Variants in CDH13 observed in about 807,000 individuals in gnomAD.
CDH13 encodes cadherin 13.
CDH13 carries 24 observed loss-of-function variants against 63.8 expected under a neutral mutation model. The ratio of observed to expected loss-of-function variants is 0.38; its 90% CI spans 0.27 to 0.53. The LOEUF is 0.53. Among genes scored for constraint, CDH13 ranks in the 20% least tolerant of loss-of-function variants. The pLI is 0.85. For missense variants in CDH13, 1,049 were observed against 903.1 expected, an observed-to-expected ratio of 1.16 and a Z score of -2.07; for synonymous variants, 503 against 355.3, an observed-to-expected ratio of 1.42 and a Z score of -4.67.
rs960659234 is a variant in CDH13 at position 83,604,060 on chromosome 16, A to G, written c.1101+1466A>G. Among the ~76,000 whole-genome samples, 4 of 152,284 alleles carry G rather than the reference A, an allele frequency of 2.6e-5. No homozygotes were observed. In the East Asian group the frequency reaches 7.7e-4, roughly 29 times the overall value. On this transcript the variant is annotated intron_variant, in intron 8 of 13. Coordinates refer to ENST00000567109, the MANE Select transcript of CDH13 (RefSeq NM_001257.5). ...TCCCGTGATCCAGTCACCTCCCACC[A>G]GGCCCCAACTACAACACTGGGAATT...
At chr16:82,645,865 A>G (rs1263853658) in intron 1 of CDH13, among the ~76,000 whole-genome samples, 3 of 152,244 alleles carry the variant, frequency 2.0e-5, no homozygotes, top group African/African-American at 4.8e-5. Context: ...TTAAGAAGCT[A>G]AGGTATTCGT....
intron 2 of CDH13, among the ~76,000 whole-genome samples, chr16:82,962,025 A>G (rs1353609025): frequency 1.3e-5 from 2 of 149,106 alleles, no homozygotes; most frequent in African/African-American, 4.8e-5. Context: ...GTAAAATAAC[A>G]TAGATGCTAT....
chr16:83,569,540 A>G (rs1228465563), intron 7 of CDH13, among the ~76,000 whole-genome samples: 1 of 152,114 alleles, frequency 6.6e-6, no homozygotes, highest in African/African-American at 2.4e-5. Flanking sequence ...ACATTTTTCT[A>G]TTTTTTTCTA....
chr16:83,578,964 C>G (rs928939275), intron 7 of CDH13, among the ~76,000 whole-genome samples: 1 of 152,246 alleles, frequency 6.6e-6, no homozygotes, highest in Non-Finnish European at 1.5e-5. Flanking sequence ...TCTTTGAACA[C>G]TTTCCGCCTA....
intron 8 of CDH13, among the ~76,000 whole-genome samples, chr16:83,665,281 A>G (rs1252045222): frequency 6.6e-6 from 1 of 152,248 alleles, no homozygotes; most frequent in Non-Finnish European, 1.5e-5. Context: ...AGGGGTTTAA[A>G]CCAAATTCTC....
At chr16:83,141,078 T>C (rs1468877602) in intron 4 of CDH13, among the ~76,000 whole-genome samples, 1 of 152,264 alleles carries the variant, frequency 6.6e-6, no homozygotes, top group Admixed American at 6.5e-5. Flanking sequence ...CTTGAAGCTA[T>C]GAATACTTTT....
chr16:83,224,975 C>T (rs896731473), intron 5 of CDH13, among the ~76,000 whole-genome samples: 1 of 152,204 alleles, frequency 6.6e-6, no homozygotes, highest in Admixed American at 6.5e-5. Context: ...GTCAGTAACT[C>T]TCTGTAAAAG....
intron 2 of CDH13, among the ~76,000 whole-genome samples, chr16:82,970,704 G>C (rs2151367851): frequency 6.6e-6 from 1 of 152,170 alleles, no homozygotes; most frequent in South Asian, 2.1e-4. Context: ...AACCTTACCT[G>C]TTTGAGTGTA....
At chr16:83,111,418 A>G (rs373876712) in intron 3 of CDH13, among the ~76,000 whole-genome samples, 1 of 152,140 alleles carries the variant, frequency 6.6e-6, no homozygotes, top group African/African-American at 2.4e-5. Context: ...AGCATAAATA[A>G]TATTGATTTG....
intron 7 of CDH13, among the ~76,000 whole-genome samples, chr16:83,512,365 T>TAAAATA (rs751505976): frequency 9.2e-6 from 1 of 108,494 alleles, no homozygotes; most frequent in South Asian, 3.0e-4. Flanking sequence ...AATAAATAAA[T>TAAAATA]AAATAAAATA....
chr16:82,819,839 C>A (rs2037914687), intron 1 of CDH13, among the ~76,000 whole-genome samples: 2 of 152,088 alleles, frequency 1.3e-5, no homozygotes, highest in Non-Finnish European at 2.9e-5. Flanking sequence ...GCAGAAGAGA[C>A]AACTAATATA....
intron 10 of CDH13, among the ~76,000 whole-genome samples, chr16:83,700,525 T>C (rs1035233089): frequency 3.9e-5 from 6 of 152,230 alleles, no homozygotes; most frequent in African/African-American, 1.4e-4. Context: ...CAGGAAAACA[T>C]GGCCTTCCTC....
chr16:83,383,208 G>T (rs1245370988), intron 6 of CDH13: 1 of 152,170 alleles, frequency 6.6e-6, no homozygotes, highest in Non-Finnish European at 1.5e-5. Flanking sequence ...GTTCTGGGGA[G>T]AAAAACCACA....
chr16:82,895,554 C>A (rs2041226535), intron 2 of CDH13, among the ~76,000 whole-genome samples: 1 of 152,146 alleles, frequency 6.6e-6, no homozygotes, highest in Admixed American at 6.5e-5. Flanking sequence ...TGCTTTATAT[C>A]AGGGTTCACT....
At chr16:83,250,057 G>C (rs915599984) in intron 5 of CDH13, among the ~76,000 whole-genome samples, 1 of 152,158 alleles carries the variant, frequency 6.6e-6, no homozygotes, top group African/African-American at 2.4e-5. Flanking sequence ...AGTTATCCAA[G>C]ACCTTTAGTT....
At chr16:83,026,543 G>T (rs553927241) in intron 2 of CDH13, among the ~76,000 whole-genome samples, 2 of 152,134 alleles carry the variant, frequency 1.3e-5, no homozygotes, top group African/African-American at 2.4e-5. Flanking sequence ...TATACTTGTA[G>T]TACCTAAACA....
intron 6 of CDH13, among the ~76,000 whole-genome samples, chr16:83,389,381 C>G (rs1216209847): frequency 6.6e-6 from 1 of 152,156 alleles, no homozygotes; most frequent in African/African-American, 2.4e-5. Context: ...CTGATTTTCT[C>G]AGTTAACAAT....
intron 2 of CDH13, among the ~76,000 whole-genome samples, chr16:82,931,046 C>G (rs2093448832): frequency 6.6e-6 from 1 of 152,166 alleles, no homozygotes. Context: ...GAAGCTAATT[C>G]CAAACAAAGT....
chr16:82,724,554 T>C (rs749794383), intron 1 of CDH13, among the ~76,000 whole-genome samples: 2 of 152,184 alleles, frequency 1.3e-5, no homozygotes, highest in Non-Finnish European at 1.5e-5. Flanking sequence ...TCTACATTTA[T>C]TGGGATGCCC....
Sources: allele counts gnomAD v4.1 joint callset (sites outside exome capture counted in the v4.1 genomes callset), GRCh38; gene constraint gnomAD v4.1.1; transcripts MANE v1.5; gene names NCBI Gene and HGNC (gene_info 2026-07-23, HGNC 2026-07-21).